Variants in DLGAP1 observed in about 807,000 individuals in gnomAD.
DLGAP1 encodes DLG associated protein 1.
In DLGAP1, 11 loss-of-function variants were observed where a neutral mutation model predicts 90.8. The ratio of observed to expected loss-of-function variants is 0.12; its 90% confidence interval spans 0.08 to 0.20. DLGAP1 has a LOEUF of 0.20. Ranked by LOEUF, DLGAP1 falls within the 10% of genes least tolerant of loss-of-function variation. The probability of loss-of-function intolerance (pLI) is 1.00; values close to 1 mark genes in which losing one functional copy is unlikely to be tolerated. For missense variants in DLGAP1, 1,050 were observed against 1,333.8 expected, an observed-to-expected ratio of 0.79 and a Z score of 3.31; for synonymous variants, 558 against 540.7, an observed-to-expected ratio of 1.03 and a Z score of -0.44.
intron 1 of DLGAP1, among the ~76,000 whole-genome samples, chr18:4,220,837 T>C (rs2078059511): frequency 6.6e-6 from 1 of 152,148 alleles, no homozygotes; most frequent in South Asian, 2.1e-4. Flanking sequence ...TACACAGCAA[T>C]GCAATATATA....
chr18:4,062,484 A>C (rs2075313063), intron 2 of DLGAP1, among the ~76,000 whole-genome samples: 1 of 152,152 alleles, frequency 6.6e-6, no homozygotes, highest in Non-Finnish European at 1.5e-5. Flanking sequence ...TGAGGAGAGA[A>C]GCTTACCCAA....
intron 3 of DLGAP1, among the ~76,000 whole-genome samples, chr18:3,919,633 T>C (rs2072222965): frequency 6.6e-6 from 1 of 152,238 alleles, no homozygotes. Context: ...ATTAAGGTGA[T>C]AAGTTGTAAT....
chr18:4,027,498 C>T lies in DLGAP1; in HGVS notation c.-158-22297G>A, dbSNP rs186039499. On this transcript the variant is annotated intron_variant, in intron 2 of 12. Transcript: ENST00000315677. The stretch of plus-strand genomic sequence containing the variant: ...CAGCCTAGGTGACAGAGCAAGACTC[C>T]GTCTCAAAAAAAAAAAAAAAAAAAA... 1.9e-3 allele frequency among the ~76,000 whole-genome samples: 174 copies of T among 90,928 alleles called. 1 individual carries two copies. In the East Asian group the frequency reaches 0.043, roughly 22 times the overall value. The allele number at this position is 90,928 out of a possible 152,430, so 59.7% of individuals were successfully genotyped here.
rs537280995 is a variant in DLGAP1, at chr18:4,347,913, C to T, written c.-267+107093G>A. ...TGATACCTGAAAAACACTTAAGAAT[C>T]AATAATAATTAATGTTAATTCCCAA... On this transcript the variant is annotated intron_variant, in intron 1 of 12. Transcript: ENST00000315677. 6.1e-4 allele frequency among the ~76,000 whole-genome samples: 19 copies of T among 31,014 alleles called. 1 individual carries two copies. Among genetic ancestry groups the T allele is most frequent in the Admixed American group, 5.4e-3 (17 of 3,122 alleles). 20.3% of individuals were successfully genotyped at this position (31,014 alleles called of 152,430 possible).
intron 7 of DLGAP1, among the ~76,000 whole-genome samples, chr18:3,594,978 T>C (rs1018970763): frequency 6.6e-6 from 1 of 152,244 alleles, no homozygotes; most frequent in Non-Finnish European, 1.5e-5. Context: ...CAGGCCCAGC[T>C]ACCCAGAGAG....
intron 3 of DLGAP1, among the ~76,000 whole-genome samples, chr18:3,988,683 G>A (rs1303350407): frequency 6.6e-6 from 1 of 152,106 alleles, no homozygotes; most frequent in African/African-American, 2.4e-5. Flanking sequence ...ACTCACCTGC[G>A]ATGCAGCCCG....
At chr18:4,113,311 G>A (rs2076006108) in intron 2 of DLGAP1, among the ~76,000 whole-genome samples, 1 of 152,114 alleles carries the variant, frequency 6.6e-6, no homozygotes, top group Non-Finnish European at 1.5e-5. Flanking sequence ...TCTGAATGGT[G>A]TGAGATGGTA....
intron 1 of DLGAP1, among the ~76,000 whole-genome samples, chr18:4,326,496 T>C (rs909919224): frequency 6.6e-6 from 1 of 152,084 alleles, no homozygotes; most frequent in African/African-American, 2.4e-5. Context: ...ATTGGATATA[T>C]ACCCAAAGGA....
At chr18:4,320,582 A>C (rs2143588319) in intron 1 of DLGAP1, among the ~76,000 whole-genome samples, 1 of 152,264 alleles carries the variant, frequency 6.6e-6, no homozygotes, top group South Asian at 2.1e-4. Flanking sequence ...AATGTGCCTG[A>C]GTCCCCTCAT....
intron 2 of DLGAP1, among the ~76,000 whole-genome samples, chr18:4,046,394 T>A (rs2149160123): frequency 6.6e-6 from 1 of 152,328 alleles, no homozygotes; most frequent in South Asian, 2.1e-4. Context: ...AGGCCTTCTG[T>A]TCCTGGCCTA....
chr18:3,929,274 C>T (rs77524054), intron 3 of DLGAP1, among the ~76,000 whole-genome samples: 1,682 of 152,250 alleles, frequency 0.011, 34 homozygotes, highest in African/African-American at 0.039. Flanking sequence ...ACACTCTAAG[C>T]CAAGAGCTCA....
At chr18:3,508,766 G>GCACA in intron 10 of DLGAP1, 105 bp from the exon 11 acceptor site, 1 of 831,068 alleles carries the variant, frequency 1.2e-6, no homozygotes, top group Non-Finnish European at 1.9e-6. Context: ...AGGGAAAATG[G>GCACA]CACACACACA....
intron 7 of DLGAP1, among the ~76,000 whole-genome samples, chr18:3,716,083 C>A (rs1045928567): frequency 6.6e-6 from 1 of 152,122 alleles, no homozygotes; most frequent in Non-Finnish European, 1.5e-5. Flanking sequence ...CATAGCAGCA[C>A]CTTTCTGGAG....
intron 7 of DLGAP1, chr18:3,604,400 TC>T (rs2057223505): frequency 1.3e-5 from 2 of 152,166 alleles, no homozygotes; most frequent in Non-Finnish European, 2.9e-5. Flanking sequence ...TACATGTTTT[TC>T]TTGGGATGTA....
At chr18:4,083,165 C>T (rs993459825) in intron 2 of DLGAP1, among the ~76,000 whole-genome samples, 1 of 152,160 alleles carries the variant, frequency 6.6e-6, no homozygotes, top group Non-Finnish European at 1.5e-5. Context: ...AGGAACACCC[C>T]AATTATTCCA....
At position 4,077,891 on chromosome 18, in the gene DLGAP1, C is replaced by T. The variant is rs1019574702; in HGVS notation, c.-158-72690G>A. Among the ~76,000 whole-genome samples the T allele has an allele frequency of 3.9e-5, 6 of 152,126 alleles. 1 individual carries two copies. The South Asian group carries it at 8.3e-4, about 21-fold the overall frequency. On this transcript the variant is annotated intron_variant, in intron 2 of 12. Transcript: ENST00000315677. ...TAAGCATTCTGTGAAGGAAGGCACT[C>T]GGTACTCAAGAGCTCTGAACCATAG...
At chr18:3,537,188 C>T (rs924068259) in intron 9 of DLGAP1, among the ~76,000 whole-genome samples, 1 of 152,172 alleles carries the variant, frequency 6.6e-6, no homozygotes, top group African/African-American at 2.4e-5. Flanking sequence ...GTGCAACCAT[C>T]GCCACCATCC....
intron 2 of DLGAP1, among the ~76,000 whole-genome samples, chr18:4,059,597 G>A (rs974959886): frequency 6.6e-6 from 1 of 152,098 alleles, no homozygotes; most frequent in African/African-American, 2.4e-5. Context: ...TGTAATCCCA[G>A]CTACTCGGGA....
At position 4,080,191 on chromosome 18, in the gene DLGAP1, TA is replaced by T. The variant is rs529499285; in HGVS notation, c.-159+70988del. Among the ~76,000 whole-genome samples the T allele has an allele frequency of 1.4e-3, 219 of 152,350 alleles. 1 individual carries two copies. Among genetic ancestry groups the T allele is most frequent in the African/African-American group, 5.0e-3 (207 of 41,580 alleles). On this transcript the variant is annotated intron_variant, in intron 2 of 12. Coordinates refer to ENST00000315677, the MANE Select transcript of DLGAP1 (RefSeq NM_004746.4). ...ATAGACATATTGCAGTGCTTTCCTTTATAAAATTTGCTTCTGGGGAACCATG... is the reference window on the plus strand; with the variant it reads ...ATAGACATATTGCAGTGCTTTCCTTTTAAAATTTGCTTCTGGGGAACCATG...
Sources: allele counts gnomAD v4.1 joint callset (sites outside exome capture counted in the v4.1 genomes callset), GRCh38; gene constraint gnomAD v4.1.1; transcripts MANE v1.5; gene names NCBI Gene and HGNC (gene_info 2026-07-23, HGNC 2026-07-21).